Variants in SLC7A2 observed in about 807,000 individuals in gnomAD.
SLC7A2 encodes the protein solute carrier family 7 member 2.
A neutral mutation model predicts 58.9 loss-of-function variants in SLC7A2; 48 were observed. That is an observed-to-expected ratio of 0.82 (90% CI 0.65 to 1.04). SLC7A2 has a LOEUF of 1.04. Ranked by LOEUF, SLC7A2 falls within the 50% of genes least tolerant of loss-of-function variation. SLC7A2 has a pLI of 0.00. For synonymous variants in SLC7A2, 363 were observed against 314.5 expected (o/e 1.15, Z -1.63); for missense variants, 1,029 against 818.8 (o/e 1.26, Z -3.13).
intron 2 of SLC7A2, among the ~76,000 whole-genome samples, chr8:17,524,482 C>G (rs1342788157): frequency 6.6e-6 from 1 of 151,214 alleles, no homozygotes. Context: ...CAGCCATAAA[C>G]AGGAATGAAA....
chr8:17,538,655 G>T, intron 2 of SLC7A2: 1 of 630,806 alleles, frequency 1.6e-6, no homozygotes. Context: ...ATTTATCTTG[G>T]AACTTTAACA....
chr8:17,509,966 C>A (rs548360061), intron 2 of SLC7A2, among the ~76,000 whole-genome samples: 5 of 152,042 alleles, frequency 3.3e-5, no homozygotes, highest in African/African-American at 1.2e-4. Context: ...ACGCCTGTAA[C>A]CCCAGCACTT....
intron 2 of SLC7A2, among the ~76,000 whole-genome samples, chr8:17,534,085 G>T (rs531294757): frequency 6.6e-6 from 1 of 152,170 alleles, no homozygotes; most frequent in Non-Finnish European, 1.5e-5. Flanking sequence ...CCCTGCAAAG[G>T]ACATGATCTT....
chr8:17,557,403 A>G (rs1201565983), intron 8 of SLC7A2, among the ~76,000 whole-genome samples: 6 of 152,158 alleles, frequency 3.9e-5, no homozygotes, highest in Non-Finnish European at 5.9e-5. Context: ...GGTATGCAGG[A>G]CCAGAAACTG....
chr8:17,544,445 G>A lies in SLC7A2; in HGVS notation c.377-6G>A. The A allele has an allele frequency of 1.2e-6, 2 of 1,612,822 alleles. No individual in the cohort carries two copies. Among genetic ancestry groups the A allele is most frequent in the South Asian group, 1.1e-5 (1 of 90,782 alleles). ...GACTTCGTATTCTCTGTTCTGTTTT[G>A]GGAAGGTACATCAAGTGTTGCAAGA... On this transcript the variant is annotated splice_polypyrimidine_tract_variant and splice_region_variant and intron_variant, in intron 3 of 12. Coordinates refer to ENST00000494857, the MANE Select transcript of SLC7A2 (RefSeq NM_001370338.1).
intron 8 of SLC7A2, among the ~76,000 whole-genome samples, 156 bp from the exon 9 acceptor site, chr8:17,558,139 T>A (rs1390328869): frequency 6.6e-6 from 1 of 152,218 alleles, no homozygotes; most frequent in Non-Finnish European, 1.5e-5. Flanking sequence ...AAAGAACATC[T>A]TATTAACTGT....
At chr8:17,525,331 G>A (rs1801180745) in intron 2 of SLC7A2, among the ~76,000 whole-genome samples, 1 of 152,164 alleles carries the variant, frequency 6.6e-6, no homozygotes. Context: ...ATTTCACTAT[G>A]TATATTAAAA....
In SLC7A2 at chr8:17,543,712, A is replaced by G. The variant is rs1470061668; in HGVS notation, c.373A>G (p.Ile125Val). ...CTGGAATCTCATTTTATCGTATGTGATAGGTATGTTTCAAAAAGAAATCTA... is the reference window on the plus strand; with the variant it reads ...CTGGAATCTCATTTTATCGTATGTGGTAGGTATGTTTCAAAAAGAAATCTA... ...TGWNLILSYV[I>V]GTSSVARAWS... The change falls in exon 3 of 13, where the codon ATA becomes GTA. Residue 125 changes from isoleucine to valine, a missense_variant. Ile to Val is a conservative substitution (Grantham distance 29). Transcript: ENST00000494857. 1.3e-6 allele frequency: 2 copies of G among 1,515,896 alleles called. No homozygotes were observed. The highest frequency in any genetic ancestry group is 1.8e-6 in the Non-Finnish European group (2 of 1,133,248). 93.9% of individuals were successfully genotyped at this position (1,515,896 alleles called of 1,614,324 possible).
chr8:17,533,939 A>C (rs1256819861), intron 2 of SLC7A2, among the ~76,000 whole-genome samples: 4 of 150,534 alleles, frequency 2.7e-5, no homozygotes, highest in African/African-American at 7.3e-5. Context: ...GACAGGCCCC[A>C]GTGTGTGTTG....
intron 8 of SLC7A2, among the ~76,000 whole-genome samples, chr8:17,555,642 T>A (rs1802662943): frequency 6.6e-6 from 1 of 152,180 alleles, no homozygotes; most frequent in South Asian, 2.1e-4. Context: ...TCCAGGGCCA[T>A]CGCAGCCATC....
At chr8:17,514,313 T>A (rs916875745) in intron 2 of SLC7A2, among the ~76,000 whole-genome samples, 1 of 139,276 alleles carries the variant, frequency 7.2e-6, no homozygotes, top group South Asian at 2.4e-4. Context: ...TTGGGAGCAG[T>A]GATTGATCCA....
Position 17,564,997 on chromosome 8 carries a change from C to T in SLC7A2, c.1828C>T (p.His610Tyr), listed in dbSNP as rs754358802. 6.2e-7 allele frequency: 1 copy of T among 1,613,566 alleles called. No individual in the cohort carries two copies. Among genetic ancestry groups the T allele is most frequent in the South Asian group, 1.1e-5 (1 of 90,986 alleles). ...TGGCATTAGACACAGCCTGGAGGGT[C>T]ATCTGAGAGATGAAAACAATGAAGA... ...SYGIRHSLEGHLRDENNEEDA... is the reference protein window; with the variant it reads ...SYGIRHSLEGYLRDENNEEDA... Residue 610 changes from histidine to tyrosine, a missense_variant, in exon 13 of 13, where the codon CAT (histidine) becomes TAT (tyrosine). Coordinates refer to ENST00000494857, the MANE Select transcript of SLC7A2 (RefSeq NM_001370338.1).
At chr8:17,513,278 G>C (rs996623596) in intron 2 of SLC7A2, among the ~76,000 whole-genome samples, 1 of 152,086 alleles carries the variant, frequency 6.6e-6, no homozygotes, top group African/African-American at 2.4e-5. Context: ...GTGGACACAA[G>C]GATCCCAATT....
chr8:17,511,932 A>T (rs2705101), intron 2 of SLC7A2, among the ~76,000 whole-genome samples: 5,283 of 152,296 alleles, frequency 0.035, 131 homozygotes, highest in Middle Eastern at 0.058. Context: ...ATTTCACAAC[A>T]TGATCTGTCG....
chr8:17,542,854 C>T (rs996602824), intron 2 of SLC7A2, among the ~76,000 whole-genome samples: 14 of 151,942 alleles, frequency 9.2e-5, no homozygotes, highest in Non-Finnish European at 1.5e-4. Context: ...TTGAGCTACT[C>T]CGGAGGCTGA....
At position 17,563,627 on chromosome 8, in the gene SLC7A2, G is replaced by C; in HGVS notation, c.1696G>C (p.Ala566Pro). The change falls in exon 12 of 13, where the codon GCG becomes CCG. Residue 566 changes from alanine to proline, a missense_variant. By Grantham distance (27) the Ala-to-Pro change is conservative. Transcript: ENST00000494857. ...FMVPFLPFLP[A>P]FSILVNIYLM... ...GGTTCCATTCTTACCATTTTTGCCA[G>C]CGTTCAGCATCTTGGTGAACATTTA... 6.2e-7 allele frequency: 1 copy of C among 1,611,884 alleles called. No homozygotes were observed. Among genetic ancestry groups the C allele is most frequent in the Non-Finnish European group, 8.5e-7 (1 of 1,178,540 alleles).
chr8:17,555,656 CAGTT>C (rs1172582425), intron 8 of SLC7A2, among the ~76,000 whole-genome samples: 1 of 152,126 alleles, frequency 6.6e-6, no homozygotes. Flanking sequence ...AGCCATCTAA[CAGTT>C]AGGAACATAC....
chr8:17,544,457 C>T lies in SLC7A2; in HGVS notation c.383C>T (p.Ser128Leu). ...NLILSYVIGTSSVARAWSGTF... is the reference protein window; with the variant it reads ...NLILSYVIGTLSVARAWSGTF... ...TCTGTTCTGTTTTGGGAAGGTACAT[C>T]AAGTGTTGCAAGAGCCTGGAGTGGC... The change falls in exon 4 of 13, where the codon TCA becomes TTA. Residue 128 changes from serine (S) to leucine (L), a missense_variant. Ser to Leu is a moderately radical substitution (Grantham distance 145, BLOSUM62 -2). Transcript: ENST00000494857. 1.2e-6 allele frequency: 2 copies of T among 1,613,822 alleles called. No individual in the cohort carries two copies. The highest frequency in any genetic ancestry group is 1.7e-6 in the Non-Finnish European group (2 of 1,179,868).
At position 17,555,965 on chromosome 8, in the gene SLC7A2, C is replaced by G. The variant is rs898798489; in HGVS notation, c.1195+1266C>G. Reference sequence around the variant, plus strand: ...AACCAAAATGACAATTTCGTTGAGGCTCTGAATTGTTAGGAAATTAGCTTA... The same window carrying G: ...AACCAAAATGACAATTTCGTTGAGGGTCTGAATTGTTAGGAAATTAGCTTA... On this transcript the variant is annotated intron_variant, in intron 8 of 12. Coordinates refer to ENST00000494857, the MANE Select transcript of SLC7A2 (RefSeq NM_001370338.1). 3.3e-5 allele frequency among the ~76,000 whole-genome samples: 5 copies of G among 152,268 alleles called. 1 individual carries two copies. The highest frequency in any genetic ancestry group is 1.2e-4 in the African/African-American group (5 of 41,526).
Sources: allele counts gnomAD v4.1 joint callset (sites outside exome capture counted in the v4.1 genomes callset), GRCh38; gene constraint gnomAD v4.1.1; transcripts MANE v1.5; gene names NCBI Gene and HGNC (gene_info 2026-07-23, HGNC 2026-07-21).